ATP12A: variants seen among roughly 807,000 people sequenced by gnomAD.
ATP12A encodes the protein ATPase H+/K+ transporting non-gastric alpha2 subunit.
Under a neutral mutation model 111.2 loss-of-function variants are expected in ATP12A, and 81 were observed. The observed-to-expected ratio is 0.73, with a 90% confidence interval of 0.61 to 0.88. The LOEUF is 0.88. Among genes scored for constraint, ATP12A ranks in the 40% least tolerant of loss-of-function variants. ATP12A has a pLI of 0.00. For synonymous variants in ATP12A, 498 were observed against 499.8 expected (o/e 1.00, Z 0.05); for missense variants, 1,196 against 1,313.1 (o/e 0.91, Z 1.38).
At chr13:24,704,990 C>A (rs990964324) in intron 14 of ATP12A, among the ~76,000 whole-genome samples, 2 of 151,476 alleles carry the variant, frequency 1.3e-5, no homozygotes, top group African/African-American at 4.9e-5. Context: ...TCTTTCTTCT[C>A]TTACTTTCTT....
chr13:24,702,904 T>A (rs1255972121), intron 14 of ATP12A, among the ~76,000 whole-genome samples: 2 of 152,248 alleles, frequency 1.3e-5, no homozygotes, highest in Non-Finnish European at 2.9e-5. Flanking sequence ...GACTCCGAAT[T>A]CTCAGGTTGA....
At position 24,691,394 on chromosome 13, in the gene ATP12A, T is replaced by C. The variant is rs556297932; in HGVS notation, c.1068+144T>C. On this transcript the variant is annotated intron_variant, in intron 8 of 22. Transcript: ENST00000381946. ...AGCGACAACCCTGGAACATTCTGCA[T>C]AGACTGTTCCTTACAGAGACAAAAA... The C allele has an allele frequency of 4.0e-4, 415 of 1,047,510 alleles. 1 individual carries two copies. In the South Asian group the frequency reaches 6.2e-3, roughly 16 times the overall value. 64.9% of individuals were successfully genotyped at this position (1,047,510 alleles called of 1,614,324 possible).
intron 10 of ATP12A, among the ~76,000 whole-genome samples, 162 bp downstream of exon 10, chr13:24,693,058 C>T (rs1874981741): frequency 6.6e-6 from 1 of 152,198 alleles, no homozygotes; most frequent in Non-Finnish European, 1.5e-5. Flanking sequence ...TTTCTTTATG[C>T]ACACTAGCTT....
chr13:24,705,408 G>A (rs1158187999), intron 14 of ATP12A, among the ~76,000 whole-genome samples: 3 of 152,212 alleles, frequency 2.0e-5, no homozygotes, highest in Non-Finnish European at 4.4e-5. Flanking sequence ...CTCCAAGCAC[G>A]GTGGAAAGCC....
chr13:24,711,443 C>T, intron 22 of ATP12A, 34 bp downstream of exon 22: 1 of 1,613,984 alleles, frequency 6.2e-7, no homozygotes, highest in Non-Finnish European at 8.5e-7. Context: ...GCTCTGTTTA[C>T]CCACTTCAAC....
intron 13 of ATP12A, among the ~76,000 whole-genome samples, chr13:24,701,392 T>A (rs1452141410): frequency 1.3e-5 from 2 of 150,562 alleles, no homozygotes; most frequent in African/African-American, 2.5e-5. Context: ...TCCCAGCTAC[T>A]CGGGAGGCTG....
intron 5 of ATP12A, among the ~76,000 whole-genome samples, chr13:24,689,983 C>A (rs947261509): frequency 1.3e-5 from 2 of 152,126 alleles, no homozygotes; most frequent in East Asian, 3.9e-4. Context: ...ATTGCTCACC[C>A]TTAGTGGTCT....
intron 17 of ATP12A, among the ~76,000 whole-genome samples, chr13:24,708,956 A>G (rs1463603680): frequency 2.2e-5 from 3 of 135,120 alleles, no homozygotes; most frequent in African/African-American, 2.7e-5. Flanking sequence ...AAAGAAAGAA[A>G]GAAAGAAGGA....
intron 12 of ATP12A, among the ~76,000 whole-genome samples, chr13:24,699,732 G>A (rs578178959): frequency 1.3e-5 from 2 of 152,324 alleles, no homozygotes; most frequent in African/African-American, 2.4e-5. Context: ...TGTCAAAGGG[G>A]ACAGTGTGTC....
At chr13:24,686,595 C>T (rs1355725434) in intron 3 of ATP12A, among the ~76,000 whole-genome samples, 2 of 151,392 alleles carry the variant, frequency 1.3e-5, no homozygotes, top group African/African-American at 2.4e-5. Flanking sequence ...AAAAATTAGT[C>T]GGGCACGGTG....
chr13:24,710,666 C>T, intron 20 of ATP12A, 73 bp downstream of exon 20: 1 of 1,608,842 alleles, frequency 6.2e-7, no homozygotes. Context: ...TTGTTTTTCA[C>T]AAGACAGAGT....
intron 3 of ATP12A, among the ~76,000 whole-genome samples, chr13:24,687,701 G>T (rs1173442328): frequency 6.6e-6 from 1 of 152,238 alleles, no homozygotes; most frequent in Non-Finnish European, 1.5e-5. Flanking sequence ...GAGAACTTAG[G>T]CTGGATGTGT....
intron 2 of ATP12A, among the ~76,000 whole-genome samples, chr13:24,683,873 G>T (rs574176493): frequency 6.6e-6 from 1 of 152,280 alleles, no homozygotes; most frequent in East Asian, 1.9e-4. Flanking sequence ...CAAGGGTCCT[G>T]TAATTTTCAG....
intron 14 of ATP12A, among the ~76,000 whole-genome samples, chr13:24,705,709 AC>A (rs1875598754): frequency 6.6e-6 from 1 of 152,084 alleles, no homozygotes; most frequent in African/African-American, 2.4e-5. Flanking sequence ...TCACTTTGTC[AC>A]CCAGGCTTGA....
At chr13:24,708,287 G>A (rs1875758136) in intron 17 of ATP12A, among the ~76,000 whole-genome samples, 1 of 152,208 alleles carries the variant, frequency 6.6e-6, no homozygotes, top group Non-Finnish European at 1.5e-5. Context: ...AGCTGCCCAT[G>A]TGGCTGTGGC....
intron 19 of ATP12A, 90 bp from the exon 20 acceptor site, chr13:24,710,370 A>G: frequency 6.6e-7 from 1 of 1,511,876 alleles, no homozygotes; most frequent in South Asian, 1.3e-5. Flanking sequence ...GAGGTGTGGA[A>G]AGAACATGAA....
chr13:24,685,801 G>A lies in ATP12A; in HGVS notation c.228+428G>A, dbSNP rs1475284434. Among the ~76,000 whole-genome samples the A allele has an allele frequency of 6.6e-6, 1 of 152,208 alleles. No homozygotes were observed. Among genetic ancestry groups the A allele is most frequent in the Non-Finnish European group, 1.5e-5 (1 of 68,036 alleles). Reference sequence around the variant, plus strand: ...TTTGCGCTGGGACTCAAAATGCTTCGGATTTAAGCTGGTGGGGGACCCCAG... The same window carrying A: ...TTTGCGCTGGGACTCAAAATGCTTCAGATTTAAGCTGGTGGGGGACCCCAG... On this transcript the variant is annotated intron_variant, in intron 3 of 22. Transcript: ENST00000381946. This position sits in a 1 kb window ranked among gnomAD's most constrained non-coding sequence, Gnocchi z 5.5.
At chr13:24,701,517 A>AAG (rs1566075668) in intron 13 of ATP12A, among the ~76,000 whole-genome samples, 9 of 148,814 alleles carry the variant, frequency 6.0e-5, no homozygotes, top group African/African-American at 1.7e-4. Context: ...AAAAAAAAAA[A>AAG]AAAGAAAGAA....
At chr13:24,698,917 A>G in intron 12 of ATP12A, 67 bp downstream of exon 12, 5 of 1,561,448 alleles carry the variant, frequency 3.2e-6, no homozygotes, top group Non-Finnish European at 4.3e-6. Context: ...CGCCTTGAGG[A>G]CCTGTGACCT....
Sources: allele counts gnomAD v4.1 joint callset (sites outside exome capture counted in the v4.1 genomes callset), GRCh38; gene constraint gnomAD v4.1.1; non-coding constraint Gnocchi (gnomAD v3.1); transcripts MANE v1.5; gene names NCBI Gene and HGNC (gene_info 2026-07-23, HGNC 2026-07-21).